Variants in STK32B observed in about 807,000 individuals in gnomAD.
STK32B encodes the protein serine/threonine kinase 32B.
A neutral mutation model predicts 52.6 loss-of-function variants in STK32B; 43 were observed. That is an observed-to-expected ratio of 0.82 (90% CI 0.64 to 1.05). The LOEUF is 1.05. STK32B is among the 50% of genes least tolerant of loss of function. STK32B has a pLI of 0.00. For missense variants in STK32B, 621 were observed against 534.6 expected (o/e 1.16, Z -1.59); for synonymous variants, 238 against 204.3 (o/e 1.17, Z -1.41).
At chr4:5,252,699 A>G (rs903671681) in intron 3 of STK32B, among the ~76,000 whole-genome samples, 1 of 152,196 alleles carries the variant, frequency 6.6e-6, no homozygotes. Flanking sequence ...GTTTGAAGTC[A>G]CACCTGAACA....
At position 5,469,247 on chromosome 4, in the gene STK32B, A is replaced by T. The variant is rs1717671361; in HGVS notation, c.1106+1177A>T. 6.6e-6 allele frequency among the ~76,000 whole-genome samples: 1 copy of T among 152,192 alleles called. No individual in the cohort carries two copies. Among genetic ancestry groups the T allele is most frequent in the African/African-American group, 2.4e-5 (1 of 41,464 alleles). Reference sequence around the variant, plus strand: ...ATTGACTCAAAAAATCATTGATTACAGGCCCTTATGCAATCCCCAGTATTC... The same window carrying T: ...ATTGACTCAAAAAATCATTGATTACTGGCCCTTATGCAATCCCCAGTATTC... On this transcript the variant is annotated intron_variant, in intron 11 of 11. Coordinates refer to ENST00000282908, the MANE Select transcript of STK32B (RefSeq NM_018401.3). The surrounding 1 kb of genome is among the most constrained non-coding windows in gnomAD (Gnocchi z 4.7).
chr4:5,331,034 A>G (rs1430998062), intron 3 of STK32B, among the ~76,000 whole-genome samples, 186 bp from the exon 4 acceptor site: 2 of 151,994 alleles, frequency 1.3e-5, no homozygotes, highest in Non-Finnish European at 2.9e-5. Flanking sequence ...ACCCCAACAA[A>G]TGTGGAGGCA....
chr4:5,249,752 CTTAAT>C (rs150340028), intron 3 of STK32B, among the ~76,000 whole-genome samples: 2,540 of 152,166 alleles, frequency 0.017, 73 homozygotes, highest in African/African-American at 0.057. Context: ...CTGGCTCTCT[CTTAAT>C]TTATTGTTTT....
At chr4:5,438,301 A>C (rs2109103137) in intron 6 of STK32B, among the ~76,000 whole-genome samples, 1 of 152,336 alleles carries the variant, frequency 6.6e-6, no homozygotes, top group East Asian at 1.9e-4. Flanking sequence ...GGGATTCGGA[A>C]TAGCACAGAT....
At position 5,356,216 on chromosome 4, in the gene STK32B, C is replaced by T. The variant is rs115274279; in HGVS notation, c.434+24823C>T. ...GGTAGCATTCCTCAGCCTGTGGCAG[C>T]ATCACTCTGATTTCTACCTCCATCC... is the stretch of plus-strand genomic sequence containing the variant. On this transcript the variant is annotated intron_variant, in intron 4 of 11. Coordinates refer to ENST00000282908, the MANE Select transcript of STK32B (RefSeq NM_018401.3). 7.0e-3 allele frequency among the ~76,000 whole-genome samples: 1,069 copies of T among 152,280 alleles called. 8 individuals carry two copies. Among genetic ancestry groups the T allele is most frequent in the African/African-American group, 0.024 (1,018 of 41,570 alleles).
intron 3 of STK32B, among the ~76,000 whole-genome samples, chr4:5,211,169 C>T (rs1012672314): frequency 1.3e-5 from 2 of 152,152 alleles, no homozygotes; most frequent in South Asian, 4.1e-4. Flanking sequence ...AGAATTCCTT[C>T]AGTAAAGAAC....
intron 4 of STK32B, among the ~76,000 whole-genome samples, chr4:5,331,842 A>G (rs1448139901): frequency 6.6e-6 from 1 of 152,136 alleles, no homozygotes; most frequent in Non-Finnish European, 1.5e-5. Flanking sequence ...GGCTTTGCAT[A>G]AAAGCTCTGA....
intron 1 of STK32B, among the ~76,000 whole-genome samples, chr4:5,129,390 G>T (rs1357145460): frequency 6.6e-6 from 1 of 152,138 alleles, no homozygotes; most frequent in African/African-American, 2.4e-5. Context: ...TTTGTGACTA[G>T]GTTTCTGGTA....
intron 3 of STK32B, among the ~76,000 whole-genome samples, chr4:5,327,404 C>G (rs1731953131): frequency 6.6e-6 from 1 of 151,434 alleles, no homozygotes; most frequent in African/African-American, 2.4e-5. Context: ...TATAGTCTTA[C>G]AAAATGCATT....
intron 2 of STK32B, among the ~76,000 whole-genome samples, chr4:5,143,241 G>C (rs1257134153): frequency 1.3e-5 from 2 of 152,190 alleles, no homozygotes; most frequent in Non-Finnish European, 1.5e-5. Context: ...CTCCAGCCCA[G>C]GTAGGGAGAA....
At chr4:5,438,319 C>T (rs1714312815) in intron 6 of STK32B, among the ~76,000 whole-genome samples, 1 of 152,148 alleles carries the variant, frequency 6.6e-6, no homozygotes, top group African/African-American at 2.4e-5. Flanking sequence ...GATCAGTGCC[C>T]AGCATGTACT....
chr4:5,280,974 C>G (rs566079143), intron 3 of STK32B, among the ~76,000 whole-genome samples: 1 of 151,966 alleles, frequency 6.6e-6, no homozygotes, highest in African/African-American at 2.4e-5. Context: ...TGGAAAAAAA[C>G]AGGTTTAATT....
intron 2 of STK32B, among the ~76,000 whole-genome samples, chr4:5,154,642 G>C (rs1483951127): frequency 6.6e-6 from 1 of 152,194 alleles, no homozygotes; most frequent in African/African-American, 2.4e-5. Flanking sequence ...CCCTTCCTGT[G>C]TCTGGTGCTC....
In STK32B at chr4:5,123,638, CACCCTGG is replaced by C. The variant is rs1247232591; in HGVS notation, c.53-16266_53-16260del. On this transcript the variant is annotated intron_variant, in intron 1 of 11. Coordinates refer to ENST00000282908, the MANE Select transcript of STK32B (RefSeq NM_018401.3). The stretch of plus-strand genomic sequence containing the variant: ...CTTCCCTCTGTGTCCTCCACGTGGC[CACCCTGG>C]GTGCATCTGTGTTCTTATCACCTCT... 3.3e-5 allele frequency among the ~76,000 whole-genome samples: 5 copies of C among 152,130 alleles called. 1 individual carries two copies. The highest frequency in any genetic ancestry group is 7.4e-5 in the Non-Finnish European group (5 of 68,022).
intron 1 of STK32B, among the ~76,000 whole-genome samples, chr4:5,075,474 AT>A (rs1229429398): frequency 5.9e-5 from 9 of 151,978 alleles, no homozygotes; most frequent in Admixed American, 5.9e-4. Flanking sequence ...TGTGTTTTTG[AT>A]TTTTTAAAAA....
intron 2 of STK32B, among the ~76,000 whole-genome samples, chr4:5,163,846 A>G (rs896697942): frequency 1.3e-5 from 2 of 152,290 alleles, no homozygotes; most frequent in Non-Finnish European, 2.9e-5. Flanking sequence ...ACAGGGACCC[A>G]TGGAGAGAGG....
chr4:5,155,326 G>A (rs918486139), intron 2 of STK32B, among the ~76,000 whole-genome samples: 2 of 152,076 alleles, frequency 1.3e-5, no homozygotes, highest in African/African-American at 4.8e-5. Flanking sequence ...TTATTCAGAT[G>A]TCTTCTTGGT....
At chr4:5,033,646 A>C in the STK32B span, among the ~76,000 whole-genome samples, 1 of 152,344 alleles carries the variant, frequency 6.6e-6, no homozygotes, top group East Asian at 1.9e-4. Flanking sequence ...CATGTGGCAA[A>C]GAATAAGGAT....
chr4:5,410,257 G>A (rs1711563067), intron 5 of STK32B, among the ~76,000 whole-genome samples: 1 of 152,174 alleles, frequency 6.6e-6, no homozygotes, highest in Non-Finnish European at 1.5e-5. Flanking sequence ...TCTCTTTTGG[G>A]CTTCAGCTGC....
Sources: gnomAD v4.1 joint callset for allele counts (sites outside exome capture counted in the v4.1 genomes callset) on GRCh38, gnomAD v4.1.1 for gene constraint, Gnocchi (gnomAD v3.1) non-coding constraint, MANE v1.5 for transcripts, NCBI Gene and HGNC (gene_info 2026-07-23, HGNC 2026-07-21) for gene names.